IQSEC1: variants seen among roughly 807,000 people sequenced by gnomAD.
IQSEC1 encodes IQ motif and Sec7 domain ArfGEF 1, also known as IQ motif and SEC7 domain-containing protein 1.
A neutral mutation model predicts 91.0 loss-of-function variants in IQSEC1; 31 were observed. That is an observed-to-expected ratio of 0.34 (90% CI 0.26 to 0.46). The LOEUF is 0.46. IQSEC1 is among the 20% of genes least tolerant of loss of function. IQSEC1 has a pLI of 1.00. For missense variants in IQSEC1, 1,388 were observed against 1,575.6 expected, an observed-to-expected ratio of 0.88 and a Z score of 2.02; for synonymous variants, 699 against 662.6, an observed-to-expected ratio of 1.05 and a Z score of -0.84.
intron 1 of IQSEC1, among the ~76,000 whole-genome samples, chr3:13,172,907 G>A (rs1367736673): frequency 1.3e-5 from 2 of 152,152 alleles, no homozygotes; most frequent in African/African-American, 2.4e-5. Flanking sequence ...TGCCCATCTC[G>A]CAGGGTGGTT....
At chr3:12,964,485 T>C (rs1379602743) in intron 1 of IQSEC1, among the ~76,000 whole-genome samples, 1 of 152,212 alleles carries the variant, frequency 6.6e-6, no homozygotes, top group Non-Finnish European at 1.5e-5. Flanking sequence ...CAGCGGGTCA[T>C]TGGTGCCTGG....
At position 12,899,918 on chromosome 3, in the gene IQSEC1, C is replaced by T. The variant is rs1694057692; in HGVS notation, c.*1065G>A. 2 of 985,062 alleles carry T rather than the reference C, an allele frequency of 2.0e-6. No individual in the cohort carries two copies. The highest frequency in any genetic ancestry group is 2.4e-6 in the Non-Finnish European group (2 of 829,880). The allele number at this position is 985,062 out of a possible 1,614,324, so 61.0% of individuals were successfully genotyped here. A position where few individuals can be genotyped will look rare whatever the true frequency, so the allele number is the denominator to read the frequency against. ...ACACTTCTGCCGTGTATGGGTGCCC[C>T]TCTCGGAGGACTCTGAATGAGTGTG... On this transcript the variant is annotated 3_prime_UTR_variant, in exon 14 of 14. Coordinates refer to ENST00000613206, the MANE Select transcript of IQSEC1 (RefSeq NM_001134382.3).
At position 12,898,674 on chromosome 3, in the gene IQSEC1, T is replaced by C. The variant is rs960011339; in HGVS notation, c.*2309A>G. 6.6e-6 allele frequency: 1 copy of C among 152,246 alleles called. No homozygotes were observed. The highest frequency in any genetic ancestry group is 6.5e-5 in the Admixed American group (1 of 15,286). 9.4% of individuals were successfully genotyped at this position (152,246 alleles called of 1,614,324 possible). A position where few individuals can be genotyped will look rare whatever the true frequency, so the allele number is the denominator to read the frequency against. ...CCTAAAGGTTACAGTTAGACTCTCC[T>C]CCCAGCACAGAAGAGGGTGAGAAAA... On this transcript the variant is annotated 3_prime_UTR_variant, in exon 14 of 14. Coordinates refer to ENST00000613206, the MANE Select transcript of IQSEC1 (RefSeq NM_001134382.3).
At chr3:13,192,494 G>A (rs560548930) in intron 1 of IQSEC1, among the ~76,000 whole-genome samples, 131 of 152,230 alleles carry the variant, frequency 8.6e-4, no homozygotes, top group Non-Finnish European at 1.6e-3. Context: ...GACGGACGAC[G>A]TGAAGATGCA....
At chr3:12,902,670 C>CAAAAAAAAAAAAAAAAA (rs1213830618) in intron 13 of IQSEC1, 103 bp downstream of exon 13, 33 of 192,638 alleles carry the variant, frequency 1.7e-4, no homozygotes, top group South Asian at 4.6e-4. Flanking sequence ...AAAAAAAAAC[C>CAAAAAAAAAAAAAAAAA]AAAAAAAAAA....
chr3:13,190,295 C>T (rs572063008), intron 1 of IQSEC1, among the ~76,000 whole-genome samples: 49 of 152,320 alleles, frequency 3.2e-4, no homozygotes, highest in Non-Finnish European at 6.2e-4. Flanking sequence ...GAGTGGGGCC[C>T]GGCTCCTGGC....
chr3:13,041,010 G>C (rs1036164228), intron 1 of IQSEC1, among the ~76,000 whole-genome samples: 1 of 152,148 alleles, frequency 6.6e-6, no homozygotes, highest in Non-Finnish European at 1.5e-5. Flanking sequence ...TCTCGAGACA[G>C]GAAAGACAGG....
intron 1 of IQSEC1, among the ~76,000 whole-genome samples, chr3:13,165,057 C>A (rs1693460865): frequency 6.6e-6 from 1 of 152,172 alleles, no homozygotes. Flanking sequence ...CCCACTGAAC[C>A]AAGCTTGCCC....
At chr3:13,142,723 CCA>C (rs1324476758) in intron 2 of IQSEC1, among the ~76,000 whole-genome samples, 1 of 152,230 alleles carries the variant, frequency 6.6e-6, no homozygotes, top group Non-Finnish European at 1.5e-5. Context: ...CTGTGTAACT[CCA>C]GTGTCCATTG....
At chr3:13,237,423 G>A (rs1211108927) in intron 1 of IQSEC1, among the ~76,000 whole-genome samples, 1 of 152,200 alleles carries the variant, frequency 6.6e-6, no homozygotes, top group East Asian at 1.9e-4. Flanking sequence ...CATTCTGAAG[G>A]TTTCTTCCAG....
intron 1 of IQSEC1, among the ~76,000 whole-genome samples, chr3:13,228,992 T>C (rs1576302684): frequency 6.6e-6 from 1 of 152,346 alleles, no homozygotes; most frequent in Non-Finnish European, 1.5e-5. Context: ...CGTCTCTCTT[T>C]TCACCACTAG....
At chr3:13,066,390 G>A (rs972117154) in intron 1 of IQSEC1, among the ~76,000 whole-genome samples, 4 of 152,248 alleles carry the variant, frequency 2.6e-5, no homozygotes, top group Non-Finnish European at 5.9e-5. Context: ...CAGAGGGGCC[G>A]GCACTGTGTC....
intron 1 of IQSEC1, among the ~76,000 whole-genome samples, chr3:13,190,019 C>T (rs582111): frequency 0.5 from 76,072 of 152,112 alleles, 19,124 homozygotes; most frequent in Admixed American, 0.52. Context: ...ATGGCCCCAC[C>T]GCCCTGACCA....
intron 1 of IQSEC1, among the ~76,000 whole-genome samples, chr3:13,051,464 G>T (rs1391320804): frequency 1.3e-5 from 2 of 152,210 alleles, no homozygotes; most frequent in Admixed American, 1.3e-4. Flanking sequence ...CTGTGACTGT[G>T]ACTGGCAGGG....
At chr3:13,248,668 A>T (rs1274675321) in intron 1 of IQSEC1, among the ~76,000 whole-genome samples, 2 of 152,228 alleles carry the variant, frequency 1.3e-5, no homozygotes, top group African/African-American at 4.8e-5. Context: ...AAGGTTAAAT[A>T]AAGTGCTGTA....
intron 2 of IQSEC1, among the ~76,000 whole-genome samples, chr3:13,145,962 G>A (rs903938209): frequency 6.6e-6 from 1 of 152,174 alleles, no homozygotes. Context: ...GGAATCTCAG[G>A]CGGGTGCAGA....
intron 5 of IQSEC1, among the ~76,000 whole-genome samples, chr3:12,921,169 C>T (rs1179590007): frequency 6.6e-6 from 1 of 152,314 alleles, no homozygotes; most frequent in African/African-American, 2.4e-5. Context: ...GGCCCCTCCA[C>T]TGGTGACCTC....
chr3:13,148,852 A>T (rs943189343), intron 2 of IQSEC1, among the ~76,000 whole-genome samples: 5 of 152,264 alleles, frequency 3.3e-5, no homozygotes, highest in African/African-American at 1.2e-4. Flanking sequence ...GGGGCTGAGA[A>T]TGCAGCCCTG....
intron 2 of IQSEC1, among the ~76,000 whole-genome samples, chr3:13,141,859 C>G (rs1022086255): frequency 6.6e-6 from 1 of 152,194 alleles, no homozygotes; most frequent in African/African-American, 2.4e-5. Context: ...ATCTTCTCCT[C>G]CTCTCCCTGT....
Sources: allele counts gnomAD v4.1 joint callset (sites outside exome capture counted in the v4.1 genomes callset), GRCh38; gene constraint gnomAD v4.1.1; transcripts MANE v1.5; gene names NCBI Gene and HGNC (gene_info 2026-07-23, HGNC 2026-07-21).